The following RGL1 variants were observed in gnomAD, a reference collection of about 807,000 sequenced individuals.
RGL1 encodes ral guanine nucleotide dissociation stimulator like 1.
In RGL1, 24 loss-of-function variants were observed where a neutral mutation model predicts 95.2. That is an observed-to-expected ratio of 0.25 (90% CI 0.18 to 0.35). The LOEUF (loss-of-function observed/expected upper bound fraction) is 0.35. Ranked by LOEUF, RGL1 falls within the 10% of genes least tolerant of loss-of-function variation. The pLI is 1.00. For synonymous variants in RGL1, 329 were observed against 344.9 expected, an observed-to-expected ratio of 0.95 and a Z score of 0.51; for missense variants, 715 against 936.3, an observed-to-expected ratio of 0.76 and a Z score of 3.08.
At chr1:183,777,449 G>A (rs558383434) in intron 2 of RGL1, among the ~76,000 whole-genome samples, 1 of 152,272 alleles carries the variant, frequency 6.6e-6, no homozygotes, top group African/African-American at 2.4e-5. Context: ...CAGTTGCTCT[G>A]GGGCAGGGAT....
At chr1:183,906,099 A>G (rs989150006) in intron 13 of RGL1, among the ~76,000 whole-genome samples, 1 of 152,196 alleles carries the variant, frequency 6.6e-6, no homozygotes, top group Admixed American at 6.5e-5. Context: ...ATTGACAGCA[A>G]AATAAGTATT....
upstream of RGL1, chr1:183,805,118 T>C: frequency 1.5e-6 from 1 of 689,052 alleles, no homozygotes; most frequent in Admixed American, 4.5e-5. Context: ...CGCGCTCCCT[T>C]TGTGGCCCGA....
intron 2 of RGL1, among the ~76,000 whole-genome samples, chr1:183,793,069 T>C (rs1229498564): frequency 6.6e-6 from 1 of 152,192 alleles, no homozygotes; most frequent in Non-Finnish European, 1.5e-5. Context: ...CAAAACAGTA[T>C]GGTATTGGTT....
chr1:183,917,520 C>T lies in RGL1; in HGVS notation c.2004+819C>T, dbSNP rs539988213. The stretch of plus-strand genomic sequence containing the variant: ...TCTTTATCACTCGCCTCTTTGAAGG[C>T]ACACTCAGTGCTTACAAGCTCAGGT... On this transcript the variant is annotated intron_variant, in intron 16 of 17. Transcript: ENST00000360851. Among the ~76,000 whole-genome samples the T allele has an allele frequency of 1.1e-3, 160 of 152,346 alleles. 1 individual carries two copies. The highest frequency in any genetic ancestry group is 1.6e-3 in the Non-Finnish European group (112 of 68,034).
At chr1:183,890,006 TA>T (rs1296129643) in intron 8 of RGL1, among the ~76,000 whole-genome samples, 2 of 152,142 alleles carry the variant, frequency 1.3e-5, no homozygotes, top group African/African-American at 4.8e-5. Flanking sequence ...TGGGGTCATA[TA>T]AAATCATTAC....
rs987346228 is a variant in RGL1 at position 183,919,273 on chromosome 1, G to A, written c.2004+2572G>A. Among the ~76,000 whole-genome samples the A allele has an allele frequency of 3.3e-5, 5 of 152,308 alleles. No individual in the cohort carries two copies. The South Asian group carries it at 1.0e-3, about 32-fold the overall frequency. The stretch of plus-strand genomic sequence containing the variant: ...TGAAAGTCTGTTAAAATGTGAGTGA[G>A]ACTGGCTTTGTTTTGTTTTGTTTTT... On this transcript the variant is annotated intron_variant, in intron 16 of 17. Transcript: ENST00000360851.
At chr1:183,876,621 A>G (rs1446500055) in intron 4 of RGL1, among the ~76,000 whole-genome samples, 8 of 152,246 alleles carry the variant, frequency 5.3e-5, no homozygotes, top group Non-Finnish European at 1.2e-4. Flanking sequence ...TGCCTTTACA[A>G]GTTATTCAAG....
At chr1:183,865,584 C>T (rs1440659207) in intron 3 of RGL1, among the ~76,000 whole-genome samples, 2 of 152,164 alleles carry the variant, frequency 1.3e-5, no homozygotes, top group African/African-American at 4.8e-5. Flanking sequence ...GGATGCTGTG[C>T]CTGCAGAGCC....
intron 1 of RGL1, among the ~76,000 whole-genome samples, chr1:183,702,785 G>A (rs1417472313): frequency 6.6e-6 from 1 of 152,204 alleles, no homozygotes. Context: ...TAAGGCTCTT[G>A]TATCGGTTTG....
intron 2 of RGL1, among the ~76,000 whole-genome samples, chr1:183,835,348 C>G (rs1000594229): frequency 3.3e-5 from 5 of 152,164 alleles, no homozygotes; most frequent in Non-Finnish European, 5.9e-5. Context: ...TAGAAGGAAA[C>G]TGTCTTTTGA....
intron 1 of RGL1, chr1:183,709,262 C>T (rs1436632221): frequency 6.6e-6 from 1 of 152,308 alleles, no homozygotes; most frequent in African/African-American, 2.4e-5. Flanking sequence ...GTTATTCACC[C>T]CCTCACCCTC....
At chr1:183,707,297 T>A (rs1195706132) in intron 1 of RGL1, among the ~76,000 whole-genome samples, 3 of 152,198 alleles carry the variant, frequency 2.0e-5, no homozygotes, top group African/African-American at 4.8e-5. Flanking sequence ...CATGCCAGGT[T>A]AGTTCATAAG....
chr1:183,751,765 A>G (rs1658015920), intron 2 of RGL1, among the ~76,000 whole-genome samples: 1 of 152,130 alleles, frequency 6.6e-6, no homozygotes, highest in African/African-American at 2.4e-5. Context: ...ACCATCCCTC[A>G]TGGCACAGTC....
At chr1:183,648,235 G>A (rs867527033) in intron 1 of RGL1, 40 of 1,614,024 alleles carry the variant, frequency 2.5e-5, no homozygotes, top group African/African-American at 2.4e-4. Context: ...AAAACAACCC[G>A]CGGCCATAAG....
At chr1:183,748,186 T>A (rs748873610) in intron 2 of RGL1, among the ~76,000 whole-genome samples, 6 of 152,098 alleles carry the variant, frequency 3.9e-5, no homozygotes, top group Non-Finnish European at 8.8e-5. Flanking sequence ...CTTTATCATT[T>A]TTTATTGTGT....
chr1:183,885,059 C>T, intron 7 of RGL1, 121 bp downstream of exon 7: 2 of 800,176 alleles, frequency 2.5e-6, no homozygotes, highest in Non-Finnish European at 3.9e-6. Context: ...ATATGAGAGC[C>T]CACTGGGTTT....
chr1:183,825,122 A>G (rs930154364), intron 2 of RGL1, among the ~76,000 whole-genome samples: 6 of 152,214 alleles, frequency 3.9e-5, no homozygotes, highest in Non-Finnish European at 8.8e-5. Flanking sequence ...GAACAGTGGT[A>G]TCATTAGTAG....
chr1:183,733,754 C>T (rs900954830), intron 1 of RGL1, among the ~76,000 whole-genome samples: 2 of 152,212 alleles, frequency 1.3e-5, no homozygotes, highest in African/African-American at 4.8e-5. Context: ...TGGTCTTCAA[C>T]ACTAACTAGA....
chr1:183,659,643 A>T (rs1361686620), intron 1 of RGL1, among the ~76,000 whole-genome samples: 1 of 152,178 alleles, frequency 6.6e-6, no homozygotes. Context: ...GCAGGGTATT[A>T]TCCAGGAGAA....
Sources: gnomAD v4.1 joint callset for allele counts (sites outside exome capture counted in the v4.1 genomes callset) on GRCh38, gnomAD v4.1.1 for gene constraint, MANE v1.5 for transcripts, NCBI Gene and HGNC (gene_info 2026-07-23, HGNC 2026-07-21) for gene names.